The following CLCN5 variants were observed in gnomAD, a reference collection of about 807,000 sequenced individuals.
CLCN5 encodes the protein Cl-/H+ antiporter 5, also known as H(+)/Cl(-) exchange transporter 5.
A neutral mutation model predicts 54.0 loss-of-function variants in CLCN5; 17 were observed. That is an observed-to-expected ratio of 0.31 (90% confidence interval 0.22 to 0.47). CLCN5 has a LOEUF of 0.47. CLCN5 is among the 20% of genes least tolerant of loss of function. The pLI is 1.00. For synonymous variants in CLCN5, 222 were observed against 233.0 expected, an observed-to-expected ratio of 0.95 and a Z score of 0.43; for missense variants, 448 against 646.7, an observed-to-expected ratio of 0.69 and a Z score of 3.33.
chrX:50,097,660 T>C lies in CLCN5; in HGVS notation c.*5441T>C, dbSNP rs1484934393. 4 of 111,781 alleles carry C rather than the reference T, an allele frequency of 3.6e-5. No individual in the cohort carries two copies. Among genetic ancestry groups the C allele is most frequent in the African/African-American group, 1.3e-4 (4 of 30,708 alleles). 9.2% of individuals were successfully genotyped at this position (111,781 alleles called of 1,213,427 possible). A position where few individuals can be genotyped will look rare whatever the true frequency, so the allele number is the denominator to read the frequency against. On this transcript the variant is annotated 3_prime_UTR_variant, in exon 15 of 15. Transcript: ENST00000376091. ...TCACCATGCGCTGAATTCAGATTTC[T>C]CTTTCTTTTATTATAGGCATGTTGT...
At chrX:50,014,912 G>T (rs1930708780) in intron 3 of CLCN5, among the ~76,000 whole-genome samples, 1 of 111,592 alleles carries the variant, frequency 9.0e-6, no homozygotes, top group South Asian at 3.8e-4. Context: ...TTCCCCACCT[G>T]CTGTCCACAC....
intron 11 of CLCN5, among the ~76,000 whole-genome samples, chrX:50,087,907 A>G (rs1299731336): frequency 1.4e-4 from 16 of 112,193 alleles, no homozygotes; most frequent in Admixed American, 1.4e-3. Flanking sequence ...TCCCTCTCTC[A>G]GTACAGAATA....
intron 5 of CLCN5, among the ~76,000 whole-genome samples, chrX:50,071,459 T>C (rs1398048922): frequency 6.2e-5 from 7 of 112,157 alleles, no homozygotes; most frequent in African/African-American, 2.3e-4. Flanking sequence ...GTTATCCAGA[T>C]TATGAGAGTC....
chrX:50,089,305 T>C (rs1362241364), intron 12 of CLCN5, among the ~76,000 whole-genome samples: 1 of 112,142 alleles, frequency 8.9e-6, no homozygotes, highest in Non-Finnish European at 1.9e-5. Flanking sequence ...TCTTAAAATA[T>C]GATGTTATAT....
Position 50,064,847 on chromosome X carries a change from A to G in CLCN5, c.164-5032A>G, listed in dbSNP as rs1170272704. 1.2e-4 allele frequency among the ~76,000 whole-genome samples: 13 copies of G among 105,632 alleles called. No individual in the cohort carries two copies. In the Admixed American group the frequency reaches 1.3e-3, roughly 11 times the overall value. The allele number at this position is 105,632 out of a possible 115,157, so 91.7% of individuals were successfully genotyped here. ...AATGGAACAGAACAGAGCCCTCAGA[A>G]ATAACGCCGCTTACCTACAACTATC... is the stretch of plus-strand genomic sequence containing the variant. On this transcript the variant is annotated intron_variant, in intron 4 of 14. Coordinates refer to ENST00000376091, the MANE Select transcript of CLCN5 (RefSeq NM_001127898.4).
intron 3 of CLCN5, among the ~76,000 whole-genome samples, chrX:49,937,680 T>C (rs1163422994): frequency 8.9e-6 from 1 of 112,090 alleles, no homozygotes; most frequent in Non-Finnish European, 1.9e-5. Flanking sequence ...GATCTCTGGG[T>C]ATATTAATAA....
chrX:49,934,453 T>C (rs111352173), intron 3 of CLCN5, among the ~76,000 whole-genome samples: 6,747 of 111,244 alleles, frequency 0.061, 538 homozygotes, highest in African/African-American at 0.21. Context: ...TTTTCCTTCC[T>C]ACCTTCTCTT....
At chrX:50,044,993 G>A (rs1353597386) in intron 4 of CLCN5, among the ~76,000 whole-genome samples, 1 of 110,974 alleles carries the variant, frequency 9.0e-6, no homozygotes, top group Non-Finnish European at 1.9e-5. Flanking sequence ...GGGGAGGGCA[G>A]TAAACGAGTA....
intron 3 of CLCN5, among the ~76,000 whole-genome samples, chrX:49,950,032 A>G (rs1429754337): frequency 8.9e-6 from 1 of 112,227 alleles, no homozygotes; most frequent in African/African-American, 3.2e-5. Context: ...ACAAGAAGTT[A>G]TGTTACTTTT....
At chrX:49,979,053 G>A (rs1928609655) in intron 3 of CLCN5, among the ~76,000 whole-genome samples, 1 of 111,096 alleles carries the variant, frequency 9.0e-6, no homozygotes, top group Non-Finnish European at 1.9e-5. Flanking sequence ...ACTTTGGAGA[G>A]GATAAAGGGA....
chrX:50,017,956 G>C (rs1383005727), intron 3 of CLCN5, among the ~76,000 whole-genome samples: 1 of 111,317 alleles, frequency 9.0e-6, no homozygotes, highest in Non-Finnish European at 1.9e-5. Flanking sequence ...TGGCTATTCT[G>C]GGTCATTTGT....
chrX:50,031,718 T>TTAG (rs1302284608), intron 3 of CLCN5, among the ~76,000 whole-genome samples: 1 of 109,393 alleles, frequency 9.1e-6, no homozygotes, highest in Non-Finnish European at 1.9e-5. Context: ...TTTAATTTCT[T>TTAG]TATTATTATT....
chrX:49,997,178 T>TA (rs1242827307), intron 3 of CLCN5, among the ~76,000 whole-genome samples: 5 of 112,108 alleles, frequency 4.5e-5, no homozygotes, highest in Non-Finnish European at 9.4e-5. Context: ...ATAGGACTCT[T>TA]ACTTGATGTA....
At chrX:50,076,053 T>C (rs781952753) in intron 7 of CLCN5, 71 bp downstream of exon 7, 61 of 973,645 alleles carry the variant, frequency 6.3e-5, no homozygotes, top group Non-Finnish European at 8.3e-5. Flanking sequence ...TATACTGTGC[T>C]CACAGCAATT....
At chrX:50,078,047 C>G (rs1251622853) in intron 7 of CLCN5, among the ~76,000 whole-genome samples, 1 of 103,785 alleles carries the variant, frequency 9.6e-6, no homozygotes, top group East Asian at 3.1e-4. Flanking sequence ...AAAAAATCCT[C>G]TCCTCCAAGG....
chrX:49,975,098 A>G (rs1364660362), intron 3 of CLCN5, among the ~76,000 whole-genome samples: 1 of 112,131 alleles, frequency 8.9e-6, no homozygotes, highest in African/African-American at 3.2e-5. Context: ...AATGGGTGCC[A>G]TGATAGGAGA....
intron 11 of CLCN5, among the ~76,000 whole-genome samples, 153 bp downstream of exon 11, chrX:50,087,023 C>T (rs1933914818): frequency 9.1e-6 from 1 of 109,619 alleles, no homozygotes; most frequent in African/African-American, 3.3e-5. Flanking sequence ...TTACCCCACA[C>T]GTTCTCATAA....
chrX:50,084,350 T>C (rs782533480), intron 9 of CLCN5, among the ~76,000 whole-genome samples: 13 of 111,684 alleles, frequency 1.2e-4, no homozygotes, highest in African/African-American at 4.2e-4. Flanking sequence ...ACGTGGTGCG[T>C]GACAGTATTT....
chrX:49,964,655 A>G (rs1206098478), intron 3 of CLCN5, among the ~76,000 whole-genome samples: 3 of 111,263 alleles, frequency 2.7e-5, no homozygotes, highest in Non-Finnish European at 5.6e-5. Flanking sequence ...TATGCTATTA[A>G]TCTGTTTATC....
Sources: allele counts gnomAD v4.1 joint callset (sites outside exome capture counted in the v4.1 genomes callset), GRCh38; gene constraint gnomAD v4.1.1; transcripts MANE v1.5; gene names NCBI Gene and HGNC (gene_info 2026-07-23, HGNC 2026-07-21).